TMF1: variants seen among roughly 807,000 people sequenced by gnomAD.
The protein encoded by TMF1 is TATA element modulatory factor.
Under a neutral mutation model 126.5 loss-of-function variants are expected in TMF1, and 71 were observed. The ratio of observed to expected loss-of-function variants is 0.56; its 90% CI spans 0.46 to 0.68. The LOEUF is 0.68. Among genes scored for constraint, TMF1 ranks in the 30% least tolerant of loss-of-function variants. TMF1 has a pLI of 0.00. For synonymous variants in TMF1, 461 were observed against 430.5 expected (o/e 1.07, Z -0.88); for missense variants, 1,259 against 1,253.2 (o/e 1.00, Z -0.07).
In TMF1 at chr3:69,021,944, A is replaced by C. The variant is rs533142138; in HGVS notation, c.*1233T>G. 6.6e-6 allele frequency: 1 copy of C among 152,398 alleles called. No individual in the cohort carries two copies. Among genetic ancestry groups the C allele is most frequent in the African/African-American group, 2.4e-5 (1 of 41,456 alleles). The allele number at this position is 152,398 out of a possible 1,614,324, so 9.4% of individuals were successfully genotyped here. ...GGTGATATGCCCGCCTTGGCCTCCC[A>C]AAGTGCTGGGATTACAGGCATGAGC... On this transcript the variant is annotated 3_prime_UTR_variant, in exon 17 of 17. Transcript: ENST00000398559.
At position 69,047,460 on chromosome 3, in the gene TMF1, T is replaced by C. The variant is rs1188726471; in HGVS notation, c.1245A>G (p.Thr415=). The change falls in exon 2 of 17, where the codon ACA becomes ACG. Residue 415 remains threonine (T), a synonymous_variant. Coordinates refer to ENST00000398559, the MANE Select transcript of TMF1 (RefSeq NM_007114.3). ...ACACAGTCTGTCCTTCATTTATTGG[T>C]GTGGAAGAAACCAAGATATCAGGCT... ...CEQPDILVSS[T]PINEGQTVLD... is the part of the protein sequence containing the mutation. 1.2e-6 allele frequency: 2 copies of C among 1,614,052 alleles called. No homozygotes were observed. Among genetic ancestry groups the C allele is most frequent in the Non-Finnish European group, 1.7e-6 (2 of 1,180,024 alleles).
intron 8 of TMF1, among the ~76,000 whole-genome samples, chr3:69,036,993 CAG>C (rs1218190207): frequency 6.6e-6 from 1 of 151,644 alleles, no homozygotes; most frequent in Non-Finnish European, 1.5e-5. Flanking sequence ...AGACAACCCA[CAG>C]AGAGGCACAA....
chr3:69,027,969 T>G lies in TMF1; in HGVS notation c.2688A>C (p.Glu896Asp), dbSNP rs1383723316. 1.0e-5 allele frequency: 16 copies of G among 1,579,556 alleles called. No individual in the cohort carries two copies. Among genetic ancestry groups the G allele is most frequent in the Non-Finnish European group, 1.4e-5 (16 of 1,150,766 alleles). ...CTTGTTCAACTTTCATTCTTTCCAT[T>G]TCTAACTGACTATTCAACAATGTCT... ...KEKTLLNSQL[E>D]MERMKVEQER... Residue 896 changes from glutamate to aspartate, a missense_variant, in exon 13 of 17, where the codon GAA (glutamate) becomes GAC (aspartate). Coordinates refer to ENST00000398559, the MANE Select transcript of TMF1 (RefSeq NM_007114.3).
chr3:69,032,025 A>G (rs2091806045), intron 10 of TMF1, among the ~76,000 whole-genome samples: 1 of 152,250 alleles, frequency 6.6e-6, no homozygotes, highest in Admixed American at 6.5e-5. Flanking sequence ...ATAAATTTAA[A>G]TATATATGAA....
chr3:69,025,809 T>G, intron 14 of TMF1, 97 bp from the exon 15 acceptor site: 1 of 1,381,454 alleles, frequency 7.2e-7, no homozygotes, highest in Non-Finnish European at 9.9e-7. Flanking sequence ...ATTTTTGCTT[T>G]AAATGTCTTC....
chr3:69,051,886 C>A, intron 1 of TMF1, 59 bp downstream of exon 1: 1 of 1,585,956 alleles, frequency 6.3e-7, no homozygotes, highest in Non-Finnish European at 8.6e-7. Flanking sequence ...ACTTAACCTG[C>A]CTGCATCAAG....
intron 5 of TMF1, among the ~76,000 whole-genome samples, chr3:69,039,949 A>G (rs977465611): frequency 6.6e-6 from 1 of 152,208 alleles, no homozygotes; most frequent in African/African-American, 2.4e-5. Flanking sequence ...TTAAAGAGAA[A>G]AATCTGGCAG....
chr3:69,033,842 A>C, intron 9 of TMF1, 138 bp from the exon 10 acceptor site: 1 of 835,710 alleles, frequency 1.2e-6, no homozygotes, highest in East Asian at 3.0e-5. Context: ...TATTATTATT[A>C]ATTTTAGAAA....
chr3:69,049,647 G>A (rs1229442681), intron 1 of TMF1, among the ~76,000 whole-genome samples: 10 of 152,040 alleles, frequency 6.6e-5, no homozygotes, highest in Admixed American at 6.6e-4. Flanking sequence ...TTGACATAGA[G>A]GTGGTTGACA....
At chr3:69,040,888 C>T (rs1294226736) in intron 5 of TMF1, among the ~76,000 whole-genome samples, 1 of 151,266 alleles carries the variant, frequency 6.6e-6, no homozygotes, top group Non-Finnish European at 1.5e-5. Context: ...TGCCACTGTA[C>T]TCCAGCCTGG....
rs1235880473 is a variant in TMF1 at position 69,024,120 on chromosome 3, T to A, written c.3073A>T (p.Thr1025Ser). 6.2e-7 allele frequency: 1 copy of A among 1,610,692 alleles called. No individual in the cohort carries two copies. Among genetic ancestry groups the A allele is most frequent in the African/African-American group, 1.3e-5 (1 of 74,828 alleles). ...TCTTCAAGTTCATCATTTTGATTTGTTAATTTAACTAGTTCTTCAGCCATT... is the reference window on the plus strand; with the variant it reads ...TCTTCAAGTTCATCATTTTGATTTGATAATTTAACTAGTTCTTCAGCCATT... ...SIMAEELVKL[T>S]NQNDELEEKV... Residue 1025 changes from threonine to serine, a missense_variant, in exon 16 of 17, where the codon ACA becomes TCA. Coordinates refer to ENST00000398559, the MANE Select transcript of TMF1 (RefSeq NM_007114.3).
chr3:69,047,338 C>T lies in TMF1; in HGVS notation c.1347+20G>A, dbSNP rs747570305. 2.0e-6 allele frequency: 3 copies of T among 1,532,686 alleles called. No homozygotes were observed. The highest frequency in any genetic ancestry group is 1.7e-4 in the Middle Eastern group (1 of 5,730). 94.9% of individuals were successfully genotyped at this position (1,532,686 alleles called of 1,614,324 possible). On this transcript the variant is annotated intron_variant, in intron 2 of 16. Coordinates refer to ENST00000398559, the MANE Select transcript of TMF1 (RefSeq NM_007114.3). ...CTCCAAAAAGCACATCTAAAAATCC[C>T]TTCCACTTACTAGAGTTACCTTGCA...
Position 69,023,182 on chromosome 3 carries a change from T to G in TMF1, c.3277A>C (p.Ser1093Arg), listed in dbSNP as rs201166573. ...QIDELLRQSL[S>R] ...GGGAATTCAATTTTCACAAGTTAAC[T>G]GAGACTTTGTCTTAAAAGTTCATCT... The change falls in exon 17 of 17, where the codon AGT (serine) becomes CGT (arginine). Residue 1093 changes from serine to arginine, a missense_variant. Ser to Arg is a moderately radical substitution (Grantham distance 110). Transcript: ENST00000398559. The G allele has an allele frequency of 1.1e-4, 170 of 1,609,454 alleles. No homozygotes were observed. Among genetic ancestry groups the G allele is most frequent in the Non-Finnish European group, 1.4e-4 (162 of 1,177,192 alleles).
At position 69,047,959 on chromosome 3, in the gene TMF1, A is replaced by G; in HGVS notation, c.746T>C (p.Phe249Ser). Residue 249 changes from phenylalanine to serine, a missense_variant, in exon 2 of 17, where the codon TTT becomes TCT. Phe to Ser is a radical substitution (Grantham distance 155). Coordinates refer to ENST00000398559, the MANE Select transcript of TMF1 (RefSeq NM_007114.3). ...SNTPSPPVST[F>S]SSGTSTTSDI... is the part of the protein sequence containing the mutation. Reference sequence around the variant, plus strand: ...ACTGGTGGTAGAAGTACCTGATGAAAAGGTACTAACAGGAGGAGAAGGTGT... The same window carrying G: ...ACTGGTGGTAGAAGTACCTGATGAAGAGGTACTAACAGGAGGAGAAGGTGT... 6.2e-7 allele frequency: 1 copy of G among 1,613,874 alleles called. No individual in the cohort carries two copies. The highest frequency in any genetic ancestry group is 8.5e-7 in the Non-Finnish European group (1 of 1,180,036).
chr3:69,044,511 C>T lies in TMF1; in HGVS notation c.1432G>A (p.Ala478Thr). The T allele has an allele frequency of 1.3e-6, 2 of 1,591,664 alleles. No homozygotes were observed. Among genetic ancestry groups the T allele is most frequent in the Admixed American group, 3.7e-5 (2 of 54,354 alleles). The change falls in exon 3 of 17, where the codon GCT becomes ACT. Residue 478 changes from alanine to threonine, a missense_variant. By Grantham distance (58) the Ala-to-Thr change is moderately conservative. Coordinates refer to ENST00000398559, the MANE Select transcript of TMF1 (RefSeq NM_007114.3). Reference protein sequence around the residue: ...LSKEKALLEEAFDNLKDEMFR... With the variant: ...LSKEKALLEETFDNLKDEMFR... ...ACTTACTCTTTCAGGTTATCAAAAG[C>T]TTCTTCTAGAAGTGCTTTTTCCTTA...
intron 1 of TMF1, among the ~76,000 whole-genome samples, chr3:69,050,546 T>C (rs1171077174): frequency 2.0e-5 from 3 of 152,208 alleles, no homozygotes; most frequent in Non-Finnish European, 4.4e-5. Context: ...ATCTAAATTA[T>C]ACCATTCTGA....
intron 2 of TMF1, among the ~76,000 whole-genome samples, chr3:69,045,191 C>T (rs949838179): frequency 1.3e-5 from 2 of 152,214 alleles, no homozygotes; most frequent in Admixed American, 1.3e-4. Context: ...GGCGCAGTGG[C>T]TCATGCCTGT....
In TMF1 at chr3:69,052,219, G is replaced by C. The variant is rs2091935407; in HGVS notation, c.-133C>G. On this transcript the variant is annotated 5_prime_UTR_variant, in exon 1 of 17. Transcript: ENST00000398559. ...TCTGTCAGCGTGTGGCCATTACCCC[G>C]ACAGCCTCCCGCGAGCCCGGGATGT... The C allele has an allele frequency of 2.0e-6, 2 of 1,006,084 alleles. No individual in the cohort carries two copies. Among genetic ancestry groups the C allele is most frequent in the East Asian group, 5.7e-5 (2 of 34,886 alleles). 62.3% of individuals were successfully genotyped at this position (1,006,084 alleles called of 1,614,324 possible). A position where few individuals can be genotyped will look rare whatever the true frequency, so the allele number is the denominator to read the frequency against.
intron 10 of TMF1, among the ~76,000 whole-genome samples, chr3:69,033,209 G>A (rs184566440): frequency 1.3e-5 from 2 of 148,616 alleles, no homozygotes; most frequent in East Asian, 2.0e-4. Flanking sequence ...GGGAGGCGGA[G>A]CTTGCAGTGA....
Sources: gnomAD v4.1 joint callset for allele counts (sites outside exome capture counted in the v4.1 genomes callset) on GRCh38, gnomAD v4.1.1 for gene constraint, MANE v1.5 for transcripts, NCBI Gene and HGNC (gene_info 2026-07-23, HGNC 2026-07-21) for gene names.